Variants in USP13 observed in about 807,000 individuals in gnomAD.
USP13 encodes the protein ubiquitin carboxyl-terminal hydrolase 13.
In USP13, 68 loss-of-function variants were observed where a neutral mutation model predicts 107.8. That is an observed-to-expected ratio of 0.63 (90% CI 0.52 to 0.77). The LOEUF (loss-of-function observed/expected upper bound fraction) is 0.77. USP13 is among the 30% of genes least tolerant of loss of function. The pLI is 0.00. For synonymous variants in USP13, 377 were observed against 389.5 expected (o/e 0.97, Z 0.38); for missense variants, 945 against 1,093.3 (o/e 0.86, Z 1.91).
At chr3:179,709,139 A>C (rs980316630) in intron 6 of USP13, among the ~76,000 whole-genome samples, 182 bp downstream of exon 6, 1 of 152,236 alleles carries the variant, frequency 6.6e-6, no homozygotes, top group Non-Finnish European at 1.5e-5. Flanking sequence ...CCTAAGCTTT[A>C]GAATCCTCAT....
At chr3:179,767,730 G>A (rs1334002271) in intron 19 of USP13, among the ~76,000 whole-genome samples, 1 of 152,070 alleles carries the variant, frequency 6.6e-6, no homozygotes. Context: ...TGTCTAGCAT[G>A]GTGCTAGACA....
intron 14 of USP13, among the ~76,000 whole-genome samples, chr3:179,754,526 A>C (rs956634007): frequency 8.5e-5 from 13 of 152,116 alleles, no homozygotes; most frequent in African/African-American, 3.1e-4. Flanking sequence ...TTTGGGGTGA[A>C]ATCCTGCCAC....
chr3:179,783,781 T>C (rs974765719), intron 20 of USP13, among the ~76,000 whole-genome samples: 2 of 151,566 alleles, frequency 1.3e-5, no homozygotes, highest in Non-Finnish European at 2.9e-5. Flanking sequence ...AGCGAGAGGA[T>C]CCCTTGAGCC....
At chr3:179,725,112 T>C (rs1713465827) in intron 8 of USP13, among the ~76,000 whole-genome samples, 2 of 152,170 alleles carry the variant, frequency 1.3e-5, no homozygotes, top group Non-Finnish European at 2.9e-5. Flanking sequence ...CTCGGGAGGC[T>C]GAGGCAGGAG....
intron 2 of USP13, among the ~76,000 whole-genome samples, chr3:179,687,120 T>G (rs189116710): frequency 1.3e-5 from 2 of 152,346 alleles, no homozygotes; most frequent in East Asian, 3.9e-4. Flanking sequence ...CATCTTATTC[T>G]GATCTGGATT....
intron 3 of USP13, among the ~76,000 whole-genome samples, chr3:179,696,722 C>T (rs1438570883): frequency 6.6e-6 from 1 of 151,980 alleles, no homozygotes; most frequent in Non-Finnish European, 1.5e-5. Flanking sequence ...TAGAAAGGGA[C>T]ACTATTAGGT....
chr3:179,726,176 G>A (rs531579018), intron 8 of USP13, among the ~76,000 whole-genome samples: 45 of 152,316 alleles, frequency 3.0e-4, no homozygotes, highest in Admixed American at 2.8e-3. Context: ...GGCTTGAGAA[G>A]GAGCTGCCAA....
intron 19 of USP13, 55 bp downstream of exon 19, chr3:179,765,903 T>G (rs1487003157): frequency 1.9e-6 from 3 of 1,563,178 alleles, no homozygotes; most frequent in East Asian, 4.5e-5. Flanking sequence ...GTTCAGCTCA[T>G]GCCCTTCCCT....
intron 13 of USP13, among the ~76,000 whole-genome samples, chr3:179,751,866 G>A (rs185575022): frequency 1.1e-4 from 17 of 152,226 alleles, no homozygotes; most frequent in East Asian, 3.9e-4. Context: ...GATTACAGGC[G>A]TGCCCCAATC....
rs1326502047 is a variant in USP13, at chr3:179,781,248, A to T, written c.2414-491A>T. On this transcript the variant is annotated intron_variant, in intron 19 of 20. Transcript: ENST00000263966. ...TCCTTTTCTACAAATGATAACAGTT[A>T]TCTGCTCTCTTCCTTATAATTTTGA... Among the ~76,000 whole-genome samples, 4 of 152,202 alleles carry T rather than the reference A, an allele frequency of 2.6e-5. No homozygotes were observed. The East Asian group carries it at 5.8e-4, about 22-fold the overall frequency.
intron 6 of USP13, among the ~76,000 whole-genome samples, chr3:179,715,826 C>T (rs571957169): frequency 6.6e-6 from 1 of 152,290 alleles, no homozygotes; most frequent in African/African-American, 2.4e-5. Context: ...TCTTCATTTT[C>T]TCCTCTCCGA....
intron 6 of USP13, among the ~76,000 whole-genome samples, chr3:179,719,314 G>A (rs1368244284): frequency 6.6e-6 from 1 of 152,126 alleles, no homozygotes; most frequent in East Asian, 1.9e-4. Flanking sequence ...TATGAGGTGG[G>A]CCATTAGGGA....
rs531849944 is a variant in USP13, at chr3:179,759,785, T to A, written c.1949-1327T>A. Among the ~76,000 whole-genome samples the A allele has an allele frequency of 1.8e-3, 274 of 152,282 alleles. 2 individuals carry two copies. The highest frequency in any genetic ancestry group is 5.7e-3 in the African/African-American group (237 of 41,564). Reference sequence around the variant, plus strand: ...GCCTCCCGGGTTCAAGCGATTCTCCTGCCTTAGCCTCCCAGGTAGCTGGGA... The same window carrying A: ...GCCTCCCGGGTTCAAGCGATTCTCCAGCCTTAGCCTCCCAGGTAGCTGGGA... On this transcript the variant is annotated intron_variant, in intron 16 of 20. Transcript: ENST00000263966.
intron 2 of USP13, among the ~76,000 whole-genome samples, chr3:179,682,923 C>G (rs891703747): frequency 1.3e-5 from 2 of 152,162 alleles, no homozygotes. Context: ...CCTATTTACA[C>G]TCTGATCTGC....
At chr3:179,657,918 C>T (rs1270469603) in intron 1 of USP13, among the ~76,000 whole-genome samples, 2 of 152,090 alleles carry the variant, frequency 1.3e-5, no homozygotes, top group Non-Finnish European at 2.9e-5. Flanking sequence ...CTCCCTGGAC[C>T]AGCATGGAAA....
At position 179,657,783 on chromosome 3, in the gene USP13, A is replaced by G. The variant is rs111369727; in HGVS notation, c.168+4390A>G. Among the ~76,000 whole-genome samples, 920 of 148,194 alleles carry G rather than the reference A, an allele frequency of 6.2e-3. 11 individuals are homozygous for G. Among genetic ancestry groups the G allele is most frequent in the African/African-American group, 0.021 (837 of 39,366 alleles). On this transcript the variant is annotated intron_variant, in intron 1 of 20. Coordinates refer to ENST00000263966, the MANE Select transcript of USP13 (RefSeq NM_003940.3). ...GTCTCAAAAAAAAAAAAAAAAAAAA[A>G]AAAGAAAGAAAAAGAGTTAATCACA... is the stretch of plus-strand genomic sequence containing the variant.
intron 13 of USP13, among the ~76,000 whole-genome samples, chr3:179,746,931 A>C (rs1319399123): frequency 6.6e-6 from 1 of 152,188 alleles, no homozygotes; most frequent in Non-Finnish European, 1.5e-5. Flanking sequence ...CAGATTGTAG[A>C]GTTCATATGT....
At position 179,757,059 on chromosome 3, in the gene USP13, G is replaced by A. The variant is rs773669339; in HGVS notation, c.1929G>A (p.Leu643=). 9.3e-6 allele frequency: 15 copies of A among 1,614,030 alleles called. No homozygotes were observed. The highest frequency in any genetic ancestry group is 1.3e-5 in the Non-Finnish European group (15 of 1,179,918). Residue 643 remains leucine (L), a synonymous_variant, in exon 16 of 21, where the codon CTG becomes CTA. Coordinates refer to ENST00000263966, the MANE Select transcript of USP13 (RefSeq NM_003940.3). ...CTCTCCCTTAATTTCCAGATCGCCT[G>A]ATGAACCAATTGATAGACCGTATGT... ...IVIPDDSKDR[L]MNQLIDPSDI...
chr3:179,724,034 C>A (rs1713424617), intron 8 of USP13, among the ~76,000 whole-genome samples: 1 of 151,648 alleles, frequency 6.6e-6, no homozygotes, highest in African/African-American at 2.4e-5. Context: ...GTGGTGCACA[C>A]CTGTAGTCCC....
Sources: gnomAD v4.1 joint callset for allele counts (sites outside exome capture counted in the v4.1 genomes callset) on GRCh38, gnomAD v4.1.1 for gene constraint, MANE v1.5 for transcripts, NCBI Gene and HGNC (gene_info 2026-07-23, HGNC 2026-07-21) for gene names.